Variants in CD36 observed in about 807,000 individuals in gnomAD.
CD36 encodes the protein platelet glycoprotein 4.
In CD36, 119 loss-of-function variants were observed where a neutral mutation model predicts 55.2. The ratio of observed to expected loss-of-function variants is 2.15; its 90% CI spans 1.86 to 2.51. The LOEUF is 2.51. Among genes scored for constraint, CD36 ranks in the 30% most tolerant of loss-of-function variants. The pLI is 0.00. For missense variants in CD36, 819 were observed against 555.5 expected (o/e 1.47, Z -4.77); for synonymous variants, 186 against 193.6 (o/e 0.96, Z 0.33).
chr7:80,622,813 G>A (rs1793540806), intron 1 of CD36, among the ~76,000 whole-genome samples: 1 of 152,142 alleles, frequency 6.6e-6, no homozygotes, highest in African/African-American at 2.4e-5. Context: ...CTGTGTATAA[G>A]CTGCATCTCT....
chr7:80,658,302 T>A (rs1270967408), intron 4 of CD36, among the ~76,000 whole-genome samples: 1 of 152,054 alleles, frequency 6.6e-6, no homozygotes, highest in East Asian at 1.9e-4. Flanking sequence ...TATGTATTCA[T>A]AGGTGTATAT....
chr7:80,667,751 T>TTTTTTTTTTTG (rs1797246623), intron 8 of CD36, among the ~76,000 whole-genome samples: 2 of 109,352 alleles, frequency 1.8e-5, no homozygotes, highest in Non-Finnish European at 4.3e-5. Flanking sequence ...TCTTTTGTTT[T>TTTTTTTTTTTG]TTTTTTTTTT....
At chr7:80,673,800 C>CCGTA in intron 13 of CD36, 183 bp from the exon 14 acceptor site, 1 of 638,120 alleles carries the variant, frequency 1.6e-6, no homozygotes, top group Non-Finnish European at 2.8e-6. Flanking sequence ...TTGAAGAGTA[C>CCGTA]CGTACTCTAT....
chr7:80,615,905 C>T (rs192338115), intron 1 of CD36, among the ~76,000 whole-genome samples: 1 of 152,198 alleles, frequency 6.6e-6, no homozygotes, highest in African/African-American at 2.4e-5. Flanking sequence ...TTTCATTTGT[C>T]AGGATAATTC....
intron 1 of CD36, chr7:80,633,291 A>G (rs1320985706): frequency 3.3e-5 from 5 of 152,010 alleles, no homozygotes; most frequent in Non-Finnish European, 5.9e-5. Context: ...CCATGCCCAC[A>G]TGAGAACTAC....
In CD36 at chr7:80,674,092, TGTTTGTTGCTTTTATGATTTCA is replaced by T; in HGVS notation, c.1365_1386del (p.Met455IlefsTer10). Reference sequence around the variant, plus strand: ...ATCTTACTCAGTGTTGGTGTGGTGATGTTTGTTGCTTTTATGATTTCATATTGTGCATGCAGATCGAAAACAA... The same window carrying T: ...ATCTTACTCAGTGTTGGTGTGGTGATTATTGTGCATGCAGATCGAAAACAA... On this transcript the variant is annotated frameshift_variant, in exon 14 of 15. Transcript: ENST00000447544. LOFTEE classifies it high-confidence loss of function. 6.2e-7 allele frequency: 1 copy of T among 1,612,502 alleles called. No individual in the cohort carries two copies. Among genetic ancestry groups the T allele is most frequent in the Non-Finnish European group, 8.5e-7 (1 of 1,179,006 alleles).
intron 1 of CD36, among the ~76,000 whole-genome samples, chr7:80,614,097 T>A (rs956455557): frequency 2.6e-5 from 4 of 152,194 alleles, no homozygotes; most frequent in African/African-American, 9.6e-5. Flanking sequence ...ACTAGAAATA[T>A]TCCTGTACTT....
At chr7:80,621,535 T>G (rs1379988324) in intron 1 of CD36, among the ~76,000 whole-genome samples, 1 of 152,208 alleles carries the variant, frequency 6.6e-6, no homozygotes. Context: ...TTTGATAGAA[T>G]TTTTCAAGTT....
intron 1 of CD36, among the ~76,000 whole-genome samples, chr7:80,627,192 T>G (rs1584309699): frequency 6.6e-6 from 1 of 152,092 alleles, no homozygotes; most frequent in South Asian, 2.1e-4. Flanking sequence ...TTTGATTATA[T>G]TTTAAATTTT....
chr7:80,618,978 AGAG>A (rs60605634), intron 1 of CD36, among the ~76,000 whole-genome samples: 48,186 of 151,936 alleles, frequency 0.32, 8,196 homozygotes, highest in South Asian at 0.46. Context: ...CCATAGCTGG[AGAG>A]GAGAAGTCAA....
In CD36 at chr7:80,678,962, T is replaced by C. The variant is rs1348279394; in HGVS notation, c.*2579T>C. 2.6e-5 allele frequency: 4 copies of C among 152,210 alleles called. No homozygotes were observed. The highest frequency in any genetic ancestry group is 9.7e-5 in the African/African-American group (4 of 41,450). 9.4% of individuals were successfully genotyped at this position (152,210 alleles called of 1,614,324 possible). On this transcript the variant is annotated 3_prime_UTR_variant, in exon 15 of 15. Transcript: ENST00000447544. ...GTGTACCAACTGACATTTCAGTTTT[T>C]CTGTTTGAAGTCCAATGTATTAGTG...
At chr7:80,602,759 T>G (rs1437503403) in intron 1 of CD36, among the ~76,000 whole-genome samples, 2 of 152,116 alleles carry the variant, frequency 1.3e-5, no homozygotes, top group African/African-American at 4.8e-5. Flanking sequence ...TTCTGATAGG[T>G]TTTTAAGATT....
At chr7:80,656,949 A>C (rs953048880) in intron 4 of CD36, among the ~76,000 whole-genome samples, 1 of 152,188 alleles carries the variant, frequency 6.6e-6, no homozygotes, top group Non-Finnish European at 1.5e-5. Flanking sequence ...TATAGAAAAG[A>C]TAAACAGATT....
chr7:80,653,216 A>G (rs1490493426), intron 3 of CD36, among the ~76,000 whole-genome samples: 1 of 152,230 alleles, frequency 6.6e-6, no homozygotes, highest in Non-Finnish European at 1.5e-5. Flanking sequence ...AAAATCTGCT[A>G]AACATACTTC....
At chr7:80,630,544 T>A (rs1794016028) in intron 1 of CD36, among the ~76,000 whole-genome samples, 1 of 152,084 alleles carries the variant, frequency 6.6e-6, no homozygotes, top group Non-Finnish European at 1.5e-5. Context: ...ATCAATCTTT[T>A]GGGATGTGCT....
intron 3 of CD36, chr7:80,647,074 T>C (rs906052057): frequency 2.0e-6 from 1 of 496,030 alleles, no homozygotes; most frequent in Non-Finnish European, 3.6e-6. Context: ...ATTGCTGTCT[T>C]AAATATAAAT....
At chr7:80,615,891 C>T (rs868250216) in intron 1 of CD36, among the ~76,000 whole-genome samples, 1 of 152,100 alleles carries the variant, frequency 6.6e-6, no homozygotes, top group Non-Finnish European at 1.5e-5. Context: ...TTTTATAGTT[C>T]ACTTTTCATT....
intron 1 of CD36, among the ~76,000 whole-genome samples, chr7:80,614,536 A>G (rs778215957): frequency 1.2e-4 from 18 of 152,144 alleles, no homozygotes; most frequent in African/African-American, 4.1e-4. Flanking sequence ...GAAATTATCA[A>G]TGTCTCTTGT....
intron 1 of CD36, among the ~76,000 whole-genome samples, chr7:80,626,582 A>G (rs1793753593): frequency 6.6e-6 from 1 of 152,132 alleles, no homozygotes. Flanking sequence ...AAATTTATGT[A>G]TGTATAGTAT....
Sources: allele counts gnomAD v4.1 joint callset (sites outside exome capture counted in the v4.1 genomes callset), GRCh38; gene constraint gnomAD v4.1.1; transcripts MANE v1.5; gene names NCBI Gene and HGNC (gene_info 2026-07-23, HGNC 2026-07-21).